Variants in DOP1A observed in about 807,000 individuals in gnomAD.
The protein encoded by DOP1A is DOP1 leucine zipper like protein A.
DOP1A carries 90 observed loss-of-function variants against 267.6 expected under a neutral mutation model. The observed-to-expected ratio is 0.34, with a 90% CI of 0.28 to 0.40. The LOEUF (loss-of-function observed/expected upper bound fraction) is 0.40, where lower values mean the gene tolerates loss of function less well. DOP1A is among the 10% of genes least tolerant of loss of function. The pLI is 1.00. For missense variants in DOP1A, 2,437 were observed against 2,900.4 expected (o/e 0.84, Z 3.67); for synonymous variants, 932 against 999.1 (o/e 0.93, Z 1.27).
At chr6:83,077,328 C>A (rs1767272742) in intron 1 of DOP1A, among the ~76,000 whole-genome samples, 1 of 151,468 alleles carries the variant, frequency 6.6e-6, no homozygotes, top group South Asian at 2.1e-4. Flanking sequence ...ATAGCAAGAC[C>A]CCTTAAAAAA....
At chr6:83,115,944 G>A (rs535757403) in intron 7 of DOP1A, among the ~76,000 whole-genome samples, 2 of 151,948 alleles carry the variant, frequency 1.3e-5, no homozygotes, top group African/African-American at 4.8e-5. Context: ...ATCTTATGTT[G>A]GATAGATCAG....
intron 16 of DOP1A, 116 bp downstream of exon 16, chr6:83,129,624 A>G: frequency 9.7e-7 from 1 of 1,025,972 alleles, no homozygotes; most frequent in Non-Finnish European, 1.3e-6. Context: ...TTAATGTTTT[A>G]ATTTGCAAGT....
intron 4 of DOP1A, among the ~76,000 whole-genome samples, chr6:83,102,125 C>T (rs971658133): frequency 1.3e-5 from 2 of 152,196 alleles, no homozygotes; most frequent in Non-Finnish European, 2.9e-5. Context: ...TAAAGTTCAA[C>T]CTGTTTAAAA....
Position 83,148,654 on chromosome 6 carries a change from G to C in DOP1A, c.5733-105G>C, listed in dbSNP as rs1170327720. 1.9e-5 allele frequency: 13 copies of C among 671,360 alleles called. No individual in the cohort carries two copies. The Admixed American group carries it at 4.0e-4, about 21-fold the overall frequency. 41.6% of individuals were successfully genotyped at this position (671,360 alleles called of 1,614,324 possible). On this transcript the variant is annotated intron_variant, in intron 26 of 38. Coordinates refer to ENST00000349129, the MANE Select transcript of DOP1A (RefSeq NM_015018.4). Reference sequence around the variant, plus strand: ...CGTTAGTAAAAATGTAAAGTTTTTAGGAATTTTGTTCTATCATTGTCTATA... The same window carrying C: ...CGTTAGTAAAAATGTAAAGTTTTTACGAATTTTGTTCTATCATTGTCTATA...
chr6:83,087,855 TTTTG>T lies in DOP1A; in HGVS notation c.-146-8856_-146-8853del, dbSNP rs144595171. On this transcript the variant is annotated intron_variant, in intron 1 of 38. Transcript: ENST00000349129. ...TGGGGAAAACCATTGATGTTTGTTT[TTTTG>T]TTTGTTTGTTTGTTTGTTTTGGTTT... Among the ~76,000 whole-genome samples, 976 of 152,072 alleles carry T rather than the reference TTTTG, an allele frequency of 6.4e-3. 10 individuals are homozygous for T. The highest frequency in any genetic ancestry group is 0.019 in the African/African-American group (779 of 41,492).
At chr6:83,164,680 GAC>G in intron 38 of DOP1A, 1 of 1,586,672 alleles carries the variant, frequency 6.3e-7, no homozygotes, top group Middle Eastern at 1.7e-4. Context: ...AGGACTTTAA[GAC>G]AGTGATTTTG....
At chr6:83,117,487 A>T (rs910354721) in intron 7 of DOP1A, among the ~76,000 whole-genome samples, 11 of 152,140 alleles carry the variant, frequency 7.2e-5, no homozygotes, top group African/African-American at 2.7e-4. Flanking sequence ...TCACTCTATT[A>T]TACAGAATAT....
At position 83,138,605 on chromosome 6, in the gene DOP1A, G is replaced by A. The variant is rs772614857; in HGVS notation, c.4563G>A (p.Lys1521=). Residue 1521 remains lysine (K), a synonymous_variant, in exon 21 of 39, where the codon AAG becomes AAA. Coordinates refer to ENST00000349129, the MANE Select transcript of DOP1A (RefSeq NM_015018.4). ...FPSFISDMLS[K]CKVQKVILHC... ...GTTTTATTTCTGATATGTTATCTAA[G>A]TGCAAAGTTCAGAAAGTGATTCTTC... The A allele has an allele frequency of 5.9e-5, 96 of 1,613,696 alleles. No individual in the cohort carries two copies. The Admixed American group carries it at 7.7e-4, about 13-fold the overall frequency.
At chr6:83,147,864 G>T (rs1780859530) in intron 26 of DOP1A, among the ~76,000 whole-genome samples, 1 of 152,148 alleles carries the variant, frequency 6.6e-6, no homozygotes, top group South Asian at 2.1e-4. Flanking sequence ...AGAGGTGTTA[G>T]GGTTAAGGTC....
At chr6:83,070,457 A>C (rs1362567464) in intron 1 of DOP1A, among the ~76,000 whole-genome samples, 2 of 152,166 alleles carry the variant, frequency 1.3e-5, no homozygotes, top group Non-Finnish European at 2.9e-5. Context: ...GGAAAAATTT[A>C]TATATACTGA....
chr6:83,099,966 C>A (rs376957455), intron 3 of DOP1A, among the ~76,000 whole-genome samples: 1 of 152,086 alleles, frequency 6.6e-6, no homozygotes, highest in Non-Finnish European at 1.5e-5. Context: ...TTGTGACATT[C>A]TATCAATACT....
At chr6:83,070,237 C>G (rs182368065) in intron 1 of DOP1A, among the ~76,000 whole-genome samples, 3 of 152,246 alleles carry the variant, frequency 2.0e-5, no homozygotes, top group African/African-American at 7.2e-5. Context: ...TGGAATAAAA[C>G]TATTAAGTAG....
Position 83,166,547 on chromosome 6 carries a change from T to C in DOP1A, c.7093-1315T>C, listed in dbSNP as rs774120789. 70 of 639,662 alleles carry C rather than the reference T, an allele frequency of 1.1e-4. No homozygotes were observed. The South Asian group carries it at 1.3e-3, about 12-fold the overall frequency. 39.6% of individuals were successfully genotyped at this position (639,662 alleles called of 1,614,324 possible). On this transcript the variant is annotated intron_variant, in intron 38 of 38. Coordinates refer to ENST00000349129, the MANE Select transcript of DOP1A (RefSeq NM_015018.4). Reference sequence around the variant, plus strand: ...AGTCTAAAATAAATATAAACAGCAATAAGTCATTAGCAAAAAAAAAGTGAG... The same window carrying C: ...AGTCTAAAATAAATATAAACAGCAACAAGTCATTAGCAAAAAAAAAGTGAG...
At chr6:83,080,251 G>A (rs973556608) in intron 1 of DOP1A, among the ~76,000 whole-genome samples, 1 of 152,028 alleles carries the variant, frequency 6.6e-6, no homozygotes, top group Non-Finnish European at 1.5e-5. Context: ...TATCCTAAAA[G>A]CAAAATTTAG....
intron 34 of DOP1A, among the ~76,000 whole-genome samples, chr6:83,156,754 A>G (rs990634570): frequency 1.3e-5 from 2 of 152,204 alleles, no homozygotes; most frequent in African/African-American, 4.8e-5. Flanking sequence ...TTTCTCCCAG[A>G]AGACAAATGA....
At chr6:83,142,752 A>AT (rs1383687447) in intron 24 of DOP1A, among the ~76,000 whole-genome samples, 1 of 151,296 alleles carries the variant, frequency 6.6e-6, no homozygotes, top group Admixed American at 6.6e-5. Context: ...TAATTCACAA[A>AT]TTTTTTTTTC....
chr6:83,095,896 G>C (rs1771401481), intron 1 of DOP1A, among the ~76,000 whole-genome samples: 1 of 152,094 alleles, frequency 6.6e-6, no homozygotes, highest in African/African-American at 2.4e-5. Context: ...AGGGCTCCTT[G>C]AAAGTGTCTT....
intron 33 of DOP1A, 37 bp from the exon 34 acceptor site, chr6:83,155,914 A>G (rs1402070748): frequency 6.3e-7 from 1 of 1,589,230 alleles, no homozygotes; most frequent in Non-Finnish European, 8.5e-7. Context: ...CTTTCTTCAG[A>G]TGACAGTGTC....
intron 24 of DOP1A, 45 bp from the exon 25 acceptor site, chr6:83,145,479 A>G: frequency 6.9e-7 from 1 of 1,444,470 alleles, no homozygotes; most frequent in Non-Finnish European, 9.2e-7. Flanking sequence ...TTCCCCTAAA[A>G]GACTTATATA....
Sources: gnomAD v4.1 joint callset for allele counts (sites outside exome capture counted in the v4.1 genomes callset) on GRCh38, gnomAD v4.1.1 for gene constraint, MANE v1.5 for transcripts, NCBI Gene and HGNC (gene_info 2026-07-23, HGNC 2026-07-21) for gene names.